PEAK1: variants seen among roughly 807,000 people sequenced by gnomAD.
PEAK1 encodes the protein pseudopodium enriched atypical kinase 1.
Under a neutral mutation model 124.7 loss-of-function variants are expected in PEAK1, and 54 were observed. That is an observed-to-expected ratio of 0.43 (90% CI 0.35 to 0.54). PEAK1 has a LOEUF of 0.54. Among genes scored for constraint, PEAK1 ranks in the 20% least tolerant of loss-of-function variants. The pLI, the probability that PEAK1 is intolerant of heterozygous loss-of-function variation, is 0.01. For synonymous variants in PEAK1, 719 were observed against 760.0 expected (o/e 0.95, Z 0.89); for missense variants, 2,046 against 2,134.5 (o/e 0.96, Z 0.82).
chr15:77,408,541 TA>T (rs1020397931), intron 1 of PEAK1, among the ~76,000 whole-genome samples: 74 of 146,980 alleles, frequency 5.0e-4, no homozygotes, highest in South Asian at 2.2e-3. Flanking sequence ...AATAAAAATT[TA>T]AAAAAAAAAA....
At chr15:77,337,960 A>T in intron 2 of PEAK1, 2 of 984,274 alleles carry the variant, frequency 2.0e-6, no homozygotes, top group Non-Finnish European at 2.4e-6. Flanking sequence ...TCTGAATTGG[A>T]AGTACCATCA....
At chr15:77,408,847 G>A (rs921999421) in intron 1 of PEAK1, among the ~76,000 whole-genome samples, 2 of 152,160 alleles carry the variant, frequency 1.3e-5, no homozygotes, top group Non-Finnish European at 2.9e-5. Context: ...GAGGCGGGAG[G>A]ATCACCTGAG....
At chr15:77,368,637 C>A (rs1384592454) in intron 1 of PEAK1, among the ~76,000 whole-genome samples, 1 of 151,814 alleles carries the variant, frequency 6.6e-6, no homozygotes, top group African/African-American at 2.4e-5. Context: ...ACAATGGAGA[C>A]AAAGCATTAA....
chr15:77,343,108 G>A (rs896147141), intron 2 of PEAK1, among the ~76,000 whole-genome samples: 1 of 152,104 alleles, frequency 6.6e-6, no homozygotes, highest in Non-Finnish European at 1.5e-5. Context: ...CAATTTATCC[G>A]TGTCCTTGCC....
chr15:77,157,897 A>G (rs960123314), intron 8 of PEAK1: 4 of 152,312 alleles, frequency 2.6e-5, no homozygotes, highest in African/African-American at 9.7e-5. Flanking sequence ...TTAAAAAACA[A>G]ATCTAATTGT....
intron 2 of PEAK1, chr15:77,348,699 T>C: frequency 3.0e-6 from 3 of 985,098 alleles, no homozygotes; most frequent in Non-Finnish European, 3.6e-6. Context: ...TTAATCTGAC[T>C]CACGGGAAAA....
chr15:77,164,922 A>G (rs2055965850), intron 7 of PEAK1, among the ~76,000 whole-genome samples: 1 of 145,386 alleles, frequency 6.9e-6, no homozygotes, highest in Non-Finnish European at 1.5e-5. Context: ...TTTTTTTTTG[A>G]GACGGAGTCT....
At chr15:77,135,229 T>C (rs1416454273) in intron 8 of PEAK1, among the ~76,000 whole-genome samples, 1 of 152,196 alleles carries the variant, frequency 6.6e-6, no homozygotes, top group Non-Finnish European at 1.5e-5. Flanking sequence ...CTATTGTTCA[T>C]ATAGAGTAGA....
At chr15:77,393,495 T>G (rs1220235201) in intron 1 of PEAK1, among the ~76,000 whole-genome samples, 2 of 152,266 alleles carry the variant, frequency 1.3e-5, no homozygotes, top group East Asian at 1.9e-4. Flanking sequence ...AGGCCCTAGT[T>G]CCTGGACCAC....
chr15:77,401,210 A>C (rs892751272), intron 1 of PEAK1, among the ~76,000 whole-genome samples: 2 of 152,220 alleles, frequency 1.3e-5, no homozygotes, highest in Non-Finnish European at 2.9e-5. Flanking sequence ...CTCATTTATA[A>C]TAAATGTGTC....
chr15:77,378,942 C>G (rs1470245769), intron 1 of PEAK1, among the ~76,000 whole-genome samples: 1 of 152,152 alleles, frequency 6.6e-6, no homozygotes, highest in South Asian at 2.1e-4. Context: ...TTTTGCTCGC[C>G]ACCCCTATAT....
At chr15:77,297,608 A>T (rs1368074981) in intron 2 of PEAK1, among the ~76,000 whole-genome samples, 2 of 151,564 alleles carry the variant, frequency 1.3e-5, no homozygotes, top group Non-Finnish European at 2.9e-5. Context: ...AAAATACAAA[A>T]ATTAGCTGGG....
At chr15:77,350,152 C>T in intron 2 of PEAK1, 3 of 985,390 alleles carry the variant, frequency 3.0e-6, no homozygotes, top group South Asian at 4.7e-5. Context: ...AATGCATGCA[C>T]AAAAGTAATC....
At chr15:77,403,841 AT>A in intron 1 of PEAK1, 1 of 984,726 alleles carries the variant, frequency 1.0e-6, no homozygotes, top group Non-Finnish European at 1.2e-6. Flanking sequence ...CCTAACCTTT[AT>A]GCCCATGCCA....
chr15:77,418,198 A>G (rs930680727), intron 1 of PEAK1: 4 of 985,430 alleles, frequency 4.1e-6, no homozygotes, highest in African/African-American at 3.5e-5. Context: ...AAGTGATCTT[A>G]TCTTTTTCTT....
chr15:77,228,179 A>G (rs894534071), intron 6 of PEAK1, among the ~76,000 whole-genome samples: 2 of 151,940 alleles, frequency 1.3e-5, no homozygotes, highest in Non-Finnish European at 2.9e-5. Flanking sequence ...GGTTTGTTAC[A>G]TATGTTTACA....
chr15:77,259,239 C>G (rs2061320902), intron 5 of PEAK1, among the ~76,000 whole-genome samples: 1 of 152,104 alleles, frequency 6.6e-6, no homozygotes, highest in Non-Finnish European at 1.5e-5. Flanking sequence ...ATGACTAGAT[C>G]AAATGGTTTA....
intron 6 of PEAK1, among the ~76,000 whole-genome samples, chr15:77,198,238 T>G (rs1217424771): frequency 6.6e-6 from 1 of 152,232 alleles, no homozygotes; most frequent in African/African-American, 2.4e-5. Context: ...GCTAATCATC[T>G]CCACATGAAC....
In PEAK1 at chr15:77,257,571, GTTGT is replaced by G. The variant is rs1312813714; in HGVS notation, c.-274-5049_-274-5046del. ...TGTCCTTCGCCCACTTTTTGATGGGGTTGTTTGTTTTTTTCTTGTAAATTTGTTT... is the reference window on the plus strand; with the variant it reads ...TGTCCTTCGCCCACTTTTTGATGGGGTTGTTTTTTTCTTGTAAATTTGTTT... On this transcript the variant is annotated intron_variant, in intron 5 of 9. Coordinates refer to ENST00000682557, the MANE Select transcript of PEAK1 (RefSeq NM_001385026.1). 3.6e-3 allele frequency among the ~76,000 whole-genome samples: 546 copies of G among 151,626 alleles called. 2 individuals are homozygous for G. Among genetic ancestry groups the G allele is most frequent in the African/African-American group, 0.012 (508 of 41,220 alleles).
Sources: gnomAD v4.1 joint callset for allele counts (sites outside exome capture counted in the v4.1 genomes callset) on GRCh38, gnomAD v4.1.1 for gene constraint, MANE v1.5 for transcripts, NCBI Gene and HGNC (gene_info 2026-07-23, HGNC 2026-07-21) for gene names.